The following CAB39L variants were observed in gnomAD, a reference collection of about 807,000 sequenced individuals.
The protein encoded by CAB39L is calcium-binding protein 39-like.
CAB39L carries 23 observed loss-of-function variants against 39.1 expected under a neutral mutation model. The observed-to-expected ratio is 0.59, with a 90% CI of 0.42 to 0.83. The LOEUF (loss-of-function observed/expected upper bound fraction) is 0.83. Among genes scored for constraint, CAB39L ranks in the 40% least tolerant of loss-of-function variants. The probability of loss-of-function intolerance (pLI) is 0.00; values close to 1 mark genes in which losing one functional copy is unlikely to be tolerated. For missense variants in CAB39L, 366 were observed against 391.9 expected (o/e 0.93, Z 0.56); for synonymous variants, 126 against 137.2 (o/e 0.92, Z 0.57).
At chr13:49,325,798 A>ATAAAT (rs1181738479) in intron 10 of CAB39L, among the ~76,000 whole-genome samples, 1 of 152,052 alleles carries the variant, frequency 6.6e-6, no homozygotes, top group Non-Finnish European at 1.5e-5. Flanking sequence ...TCAAAAATAA[A>ATAAAT]TACATAAATA....
rs949930706 is a variant in CAB39L at position 49,423,697 on chromosome 13, C to T, written c.-32+9621G>A. 5.3e-5 allele frequency among the ~76,000 whole-genome samples: 8 copies of T among 152,266 alleles called. No individual in the cohort carries two copies. The East Asian group carries it at 5.8e-4, about 11-fold the overall frequency. ...AAGTAAGCAACTCTCTTCCCATACA[C>T]GACAACCTTATTAATGCATTTATTC... is the stretch of plus-strand genomic sequence containing the variant. On this transcript the variant is annotated intron_variant, in intron 3 of 10. Transcript: ENST00000409308.
intron 3 of CAB39L, chr13:49,413,945 A>G (rs1279762236): frequency 1.4e-5 from 2 of 145,506 alleles, no homozygotes; most frequent in Admixed American, 1.4e-4. Flanking sequence ...CCAAATATGT[A>G]TTCCTAACTC....
At chr13:49,340,145 G>A (rs1328053601) in intron 8 of CAB39L, among the ~76,000 whole-genome samples, 1 of 152,164 alleles carries the variant, frequency 6.6e-6, no homozygotes, top group African/African-American at 2.4e-5. Flanking sequence ...GAATCAGACT[G>A]TTCAATTCAC....
chr13:49,379,648 C>T lies in CAB39L; in HGVS notation c.112-2517G>A, dbSNP rs1198527086. Reference sequence around the variant, plus strand: ...CCTTCCCTCCACTATTGTCCCATGACCCTGCCAAATCCCCCTCTGTGAGAA... The same window carrying T: ...CCTTCCCTCCACTATTGTCCCATGATCCTGCCAAATCCCCCTCTGTGAGAA... On this transcript the variant is annotated intron_variant, in intron 4 of 10. Coordinates refer to ENST00000409308, the MANE Select transcript of CAB39L (RefSeq NM_001079670.3). Among the ~76,000 whole-genome samples, 2 of 30,602 alleles carry T rather than the reference C, an allele frequency of 6.5e-5. 1 individual carries two copies. The highest frequency in any genetic ancestry group is 7.0e-4 in the African/African-American group (2 of 2,864). The allele number at this position is 30,602 out of a possible 152,430, so 20.1% of individuals were successfully genotyped here.
intron 7 of CAB39L, among the ~76,000 whole-genome samples, chr13:49,350,398 T>C (rs1267398629): frequency 6.6e-6 from 1 of 152,244 alleles, no homozygotes; most frequent in Non-Finnish European, 1.5e-5. Context: ...AGGTATTCAG[T>C]GCATATGTAC....
intron 3 of CAB39L, among the ~76,000 whole-genome samples, chr13:49,398,515 C>T (rs529103738): frequency 6.6e-6 from 1 of 152,000 alleles, no homozygotes. Context: ...CTATTATATA[C>T]CATTTAGGAC....
chr13:49,348,269 ACAAAAGTGCCACAGTG>A (rs770243530), intron 7 of CAB39L, among the ~76,000 whole-genome samples: 3 of 152,130 alleles, frequency 2.0e-5, no homozygotes, highest in African/African-American at 7.2e-5. Context: ...GCTTACGACA[ACAAAAGTGCCACAGTG>A]GCCGGGCGCA....
chr13:49,409,099 G>GAC (rs1207865387), intron 3 of CAB39L, among the ~76,000 whole-genome samples: 4 of 152,216 alleles, frequency 2.6e-5, no homozygotes, highest in Middle Eastern at 3.4e-3. Flanking sequence ...AATTGCTAAA[G>GAC]ACATAGGCTG....
intron 3 of CAB39L, among the ~76,000 whole-genome samples, chr13:49,389,704 T>G (rs1956446305): frequency 6.6e-6 from 1 of 152,204 alleles, no homozygotes; most frequent in African/African-American, 2.4e-5. Context: ...GGCTATATCT[T>G]CATTCGATAT....
At position 49,339,683 on chromosome 13, in the gene CAB39L, A is replaced by G. The variant is rs1954949561; in HGVS notation, c.684T>C (p.Ser228=). The change falls in exon 9 of 11, where the codon TCT becomes TCC. Residue 228 remains serine, a synonymous_variant. Coordinates refer to ENST00000409308, the MANE Select transcript of CAB39L (RefSeq NM_001079670.3). The stretch of plus-strand genomic sequence containing the variant: ...TAAAGAAATTTGATATTACCTTTAA[A>G]GACTGTCTCTTAGTAACATAATTCT... ...QSENYVTKRQ[S]LKLLGELILD... is the part of the protein sequence containing the mutation. The G allele has an allele frequency of 1.9e-6, 3 of 1,571,812 alleles. No homozygotes were observed. The highest frequency in any genetic ancestry group is 2.5e-5 in the South Asian group (2 of 81,532).
At chr13:49,351,400 G>T (rs1042108570) in intron 6 of CAB39L, among the ~76,000 whole-genome samples, 9 of 151,990 alleles carry the variant, frequency 5.9e-5, no homozygotes, top group African/African-American at 2.2e-4. Context: ...GAACAGGCTT[G>T]GCGAAACAGA....
chr13:49,398,567 T>C (rs894658986), intron 3 of CAB39L, among the ~76,000 whole-genome samples: 1 of 152,110 alleles, frequency 6.6e-6, no homozygotes, highest in Non-Finnish European at 1.5e-5. Flanking sequence ...TACAATAGAC[T>C]AAAGAAAGTA....
At chr13:49,416,772 C>T (rs942406885) in intron 3 of CAB39L, among the ~76,000 whole-genome samples, 1 of 152,102 alleles carries the variant, frequency 6.6e-6, no homozygotes, top group Non-Finnish European at 1.5e-5. Flanking sequence ...GTATAAAGTA[C>T]TCAGAATAGT....
chr13:49,386,860 C>T (rs13378622), intron 3 of CAB39L, among the ~76,000 whole-genome samples: 1 of 150,838 alleles, frequency 6.6e-6, no homozygotes, highest in East Asian at 2.0e-4. Flanking sequence ...ACACCTCCCC[C>T]ACTCCAAGAC....
At chr13:49,419,208 T>A (rs1006298579) in intron 3 of CAB39L, among the ~76,000 whole-genome samples, 15 of 152,188 alleles carry the variant, frequency 9.9e-5, no homozygotes, top group Non-Finnish European at 1.5e-5. Context: ...CCTCAAGTGA[T>A]CCACCCGCCT....
In CAB39L at chr13:49,309,365, C is replaced by T. The variant is rs1953924976; in HGVS notation, c.*1449G>A. On this transcript the variant is annotated 3_prime_UTR_variant, in exon 11 of 11. Transcript: ENST00000409308. ...CCAGGTAACTCTTCAGGTACAAAAT[C>T]TACAAAGGGGATCAGTCCTGGAGAA... 1 of 152,226 alleles carries T rather than the reference C, an allele frequency of 6.6e-6. No homozygotes were observed. The allele number at this position is 152,226 out of a possible 1,614,324, so 9.4% of individuals were successfully genotyped here. A position where few individuals can be genotyped will look rare whatever the true frequency, so the allele number is the denominator to read the frequency against.
chr13:49,327,725 T>C (rs1954546500), intron 10 of CAB39L, among the ~76,000 whole-genome samples: 1 of 152,258 alleles, frequency 6.6e-6, no homozygotes, highest in African/African-American at 2.4e-5. Flanking sequence ...CTCAACAAAA[T>C]GTTTCTAAGA....
chr13:49,335,410 CAATT>C (rs1385408311), intron 9 of CAB39L, among the ~76,000 whole-genome samples: 2 of 152,116 alleles, frequency 1.3e-5, no homozygotes, highest in Non-Finnish European at 2.9e-5. Flanking sequence ...TTTTCTGAAA[CAATT>C]AATTGTGTTA....
intron 3 of CAB39L, among the ~76,000 whole-genome samples, chr13:49,415,956 T>C (rs73489321): frequency 0.022 from 3,383 of 152,272 alleles, 114 homozygotes; most frequent in African/African-American, 0.076. Flanking sequence ...GGGAAGCTCA[T>C]AAAGACAGAA....
Sources: gnomAD v4.1 joint callset for allele counts (sites outside exome capture counted in the v4.1 genomes callset) on GRCh38, gnomAD v4.1.1 for gene constraint, MANE v1.5 for transcripts, NCBI Gene and HGNC (gene_info 2026-07-23, HGNC 2026-07-21) for gene names.